Variants in BEGAIN observed in about 807,000 individuals in gnomAD.
BEGAIN encodes brain-enriched guanylate kinase-associated protein.
A neutral mutation model predicts 35.8 loss-of-function variants in BEGAIN; 19 were observed. That is an observed-to-expected ratio of 0.53 (90% CI 0.37 to 0.78). BEGAIN has a LOEUF of 0.78. Ranked by LOEUF, BEGAIN falls within the 30% of genes least tolerant of loss-of-function variation. The probability of loss-of-function intolerance (pLI) is 0.00; values close to 1 mark genes in which losing one functional copy is unlikely to be tolerated. For missense variants in BEGAIN, 795 were observed against 853.6 expected, an observed-to-expected ratio of 0.93 and a Z score of 0.85; for synonymous variants, 462 against 388.6, an observed-to-expected ratio of 1.19 and a Z score of -2.22.
chr14:100,551,738 G>T (rs1052928943), intron 2 of BEGAIN, among the ~76,000 whole-genome samples: 1 of 152,052 alleles, frequency 6.6e-6, no homozygotes, highest in African/African-American at 2.4e-5. Flanking sequence ...GCACCCATGG[G>T]TCAGGCCGAG....
intron 2 of BEGAIN, 186 bp from the exon 3 acceptor site, chr14:100,546,848 AC>A: frequency 2.0e-6 from 1 of 497,638 alleles, no homozygotes; most frequent in Non-Finnish European, 3.4e-6. Context: ...GTCACTGAAG[AC>A]CATGGCGCCC....
chr14:100,550,335 G>T, intron 2 of BEGAIN: 1 of 398,414 alleles, frequency 2.5e-6, no homozygotes, highest in Non-Finnish European at 4.4e-6. Flanking sequence ...CATCTGTCTC[G>T]GGGAGTTGGA....
At position 100,537,605 on chromosome 14, in the gene BEGAIN, T is replaced by G; in HGVS notation, c.*364A>C. ...TCGCCCAAAAAATAAAGGAGCTTTG[T>G]GTTGAAAACGCCAAGGCAGCCGTCC... On this transcript the variant is annotated 3_prime_UTR_variant, in exon 7 of 7. Transcript: ENST00000554140. The G allele has an allele frequency of 4.8e-6, 1 of 209,578 alleles. No homozygotes were observed. Among genetic ancestry groups the G allele is most frequent in the Non-Finnish European group, 9.5e-6 (1 of 105,122 alleles). The allele number at this position is 209,578 out of a possible 1,614,324, so 13.0% of individuals were successfully genotyped here.
At position 100,569,050 on chromosome 14, in the gene BEGAIN, A is replaced by G; in HGVS notation, c.43-1111T>C. ...CGCAGCCCGGCCGCAGCGCCAAGCT[A>G]GAAGGCCCGGCCCCGGGGCCTCGGC... On this transcript the variant is annotated intron_variant, in intron 1 of 6. Transcript: ENST00000554140. The G allele has an allele frequency of 4.5e-6, 3 of 661,656 alleles. No homozygotes were observed. In the South Asian group the frequency reaches 2.0e-4, roughly 44 times the overall value. 41.0% of individuals were successfully genotyped at this position (661,656 alleles called of 1,614,324 possible).
intron 2 of BEGAIN, among the ~76,000 whole-genome samples, chr14:100,561,669 T>C (rs10143879): frequency 0.21 from 32,497 of 151,668 alleles, 4,201 homozygotes; most frequent in East Asian, 0.53. Flanking sequence ...AGAGGATTGC[T>C]TGAGCCCTGG....
rs1429654422 is a variant in BEGAIN, at chr14:100,573,157, A to T, written c.43-5218T>A. Among the ~76,000 whole-genome samples, 1 of 148,082 alleles carries T rather than the reference A, an allele frequency of 6.8e-6. No homozygotes were observed. The highest frequency in any genetic ancestry group is 1.5e-5 in the Non-Finnish European group (1 of 66,900). ...AGTAGCAGATGAATCCCAAGGGGCC[A>T]CTGGAGGAGGGAGCAGGTGAGTCTG... On this transcript the variant is annotated intron_variant, in intron 1 of 6. Coordinates refer to ENST00000554140, the MANE Select transcript of BEGAIN (RefSeq NM_001385089.1). The surrounding 1 kb of genome is among the most constrained non-coding windows in gnomAD (Gnocchi z 4.2).
At chr14:100,552,460 T>C (rs1013002324) in intron 2 of BEGAIN, among the ~76,000 whole-genome samples, 3 of 152,158 alleles carry the variant, frequency 2.0e-5, no homozygotes, top group Non-Finnish European at 4.4e-5. Flanking sequence ...AGGCCCAAGA[T>C]CACAAAGCAA....
chr14:100,565,242 C>G (rs2034592025), intron 2 of BEGAIN, among the ~76,000 whole-genome samples: 1 of 152,192 alleles, frequency 6.6e-6, no homozygotes, highest in Non-Finnish European at 1.5e-5. Flanking sequence ...AGGGAAGACA[C>G]AGAGTTTGTC....
intron 2 of BEGAIN, among the ~76,000 whole-genome samples, chr14:100,560,719 G>C (rs2034166550): frequency 1.3e-5 from 2 of 152,216 alleles, no homozygotes; most frequent in Admixed American, 6.5e-5. Context: ...TGGCCACGAG[G>C]GCAGAGGAAG....
At chr14:100,578,171 A>G (rs2035243174) in intron 1 of BEGAIN, among the ~76,000 whole-genome samples, 1 of 152,334 alleles carries the variant, frequency 6.6e-6, no homozygotes, top group Admixed American at 6.5e-5. Flanking sequence ...GCTGAGCTTC[A>G]GGGCTTAGAA....
rs2032533722 is a variant in BEGAIN, at chr14:100,546,768, GC to G, written c.72-107del. On this transcript the variant is annotated intron_variant, in intron 2 of 6. Coordinates refer to ENST00000554140, the MANE Select transcript of BEGAIN (RefSeq NM_001385089.1). ...CGCACTAACACGCGAGTACCGGCGC[GC>G]GCGCGCGCGCGCACACACACACACA... 4 of 702,438 alleles carry G rather than the reference GC, an allele frequency of 5.7e-6. No individual in the cohort carries two copies. The African/African-American group carries it at 2.3e-4, about 40-fold the overall frequency. The allele number at this position is 702,438 out of a possible 1,614,324, so 43.5% of individuals were successfully genotyped here.
chr14:100,569,907 A>C (rs979214463), intron 1 of BEGAIN: 1 of 153,824 alleles, frequency 6.5e-6, no homozygotes, highest in African/African-American at 2.4e-5. Flanking sequence ...CACGGTAGTC[A>C]TAACAATAAC....
chr14:100,561,249 G>A (rs999990189), intron 2 of BEGAIN, among the ~76,000 whole-genome samples: 20 of 152,164 alleles, frequency 1.3e-4, no homozygotes, highest in African/African-American at 3.4e-4. Flanking sequence ...TCTCCTTCAC[G>A]GGAATGATGT....
In BEGAIN at chr14:100,568,348, C is replaced by T; in HGVS notation, c.43-409G>A. ...GTTAACCCTTCCTGCCCCGCGCTCCCTCCCGGAGGAAGCCGAACCCCGGAA... is the reference window on the plus strand; with the variant it reads ...GTTAACCCTTCCTGCCCCGCGCTCCTTCCCGGAGGAAGCCGAACCCCGGAA... On this transcript the variant is annotated intron_variant, in intron 1 of 6. Coordinates refer to ENST00000554140, the MANE Select transcript of BEGAIN (RefSeq NM_001385089.1). This position sits in a 1 kb window ranked among gnomAD's most constrained non-coding sequence, Gnocchi z 7.5. 1 of 1,095,470 alleles carries T rather than the reference C, an allele frequency of 9.1e-7. No individual in the cohort carries two copies. The highest frequency in any genetic ancestry group is 1.2e-6 in the Non-Finnish European group (1 of 821,212). 67.9% of individuals were successfully genotyped at this position (1,095,470 alleles called of 1,614,324 possible).
chr14:100,568,319 G>A lies in BEGAIN; in HGVS notation c.43-380C>T, dbSNP rs529900717. 3 of 185,772 alleles carry A rather than the reference G, an allele frequency of 1.6e-5. No homozygotes were observed. Among genetic ancestry groups the A allele is most frequent in the Admixed American group, 6.5e-5 (1 of 15,420 alleles). 11.5% of individuals were successfully genotyped at this position (185,772 alleles called of 1,614,324 possible). The stretch of plus-strand genomic sequence containing the variant: ...GCGGCCCCGCTGCTCCCCCCGCCCC[G>A]CCCGTTAACCCTTCCTGCCCCGCGC... On this transcript the variant is annotated intron_variant, in intron 1 of 6. Coordinates refer to ENST00000554140, the MANE Select transcript of BEGAIN (RefSeq NM_001385089.1). This position sits in a 1 kb window ranked among gnomAD's most constrained non-coding sequence, Gnocchi z 7.5.
intron 2 of BEGAIN, among the ~76,000 whole-genome samples, chr14:100,560,988 G>A (rs35869948): frequency 0.19 from 28,303 of 152,050 alleles, 3,209 homozygotes; most frequent in East Asian, 0.5. Context: ...TGCAGAGCTC[G>A]GGCCCAGAGG....
chr14:100,542,949 T>C (rs116852064), intron 5 of BEGAIN, among the ~76,000 whole-genome samples: 4,846 of 152,298 alleles, frequency 0.032, 135 homozygotes, highest in Non-Finnish European at 0.042. Context: ...CTCTACAACA[T>C]TGCCTCCTAT....
At position 100,568,314 on chromosome 14, in the gene BEGAIN, G is replaced by GTAAA; in HGVS notation, c.43-376_43-375insTTTA. 1 of 181,742 alleles carries GTAAA rather than the reference G, an allele frequency of 5.5e-6. No homozygotes were observed. Among genetic ancestry groups the GTAAA allele is most frequent in the Non-Finnish European group, 1.1e-5 (1 of 92,990 alleles). The allele number at this position is 181,742 out of a possible 1,614,324, so 11.3% of individuals were successfully genotyped here. ...CGGCCGCGGCCCCGCTGCTCCCCCC[G>GTAAA]CCCCGCCCGTTAACCCTTCCTGCCC... On this transcript the variant is annotated intron_variant, in intron 1 of 6. Coordinates refer to ENST00000554140, the MANE Select transcript of BEGAIN (RefSeq NM_001385089.1). This position sits in a 1 kb window ranked among gnomAD's most constrained non-coding sequence, Gnocchi z 7.5.
At chr14:100,545,475 G>C (rs1273059378) in intron 3 of BEGAIN, 3 of 1,009,942 alleles carry the variant, frequency 3.0e-6, no homozygotes, top group Non-Finnish European at 3.6e-6. Context: ...CTAACTATGT[G>C]ATGGGCCCCA....
Sources: allele counts gnomAD v4.1 joint callset (sites outside exome capture counted in the v4.1 genomes callset), GRCh38; gene constraint gnomAD v4.1.1; non-coding constraint Gnocchi (gnomAD v3.1); transcripts MANE v1.5; gene names NCBI Gene and HGNC (gene_info 2026-07-23, HGNC 2026-07-21).